SPDL1: variants seen among roughly 807,000 people sequenced by gnomAD.
SPDL1 encodes protein Spindly.
In SPDL1, 85 loss-of-function variants were observed where a neutral mutation model predicts 79.5. The ratio of observed to expected loss-of-function variants is 1.07; its 90% CI spans 0.90 to 1.28. SPDL1 has a LOEUF of 1.28. Ranked by LOEUF, SPDL1 falls within the 50% of genes most tolerant of loss-of-function variation. SPDL1 has a pLI of 0.00. For missense variants in SPDL1, 703 were observed against 697.8 expected (o/e 1.01, Z -0.08); for synonymous variants, 269 against 240.3 (o/e 1.12, Z -1.10).
At chr5:169,598,326 A>G in intron 8 of SPDL1, 150 bp from the exon 9 acceptor site, 1 of 550,050 alleles carries the variant, frequency 1.8e-6, no homozygotes, top group Non-Finnish European at 3.3e-6. Flanking sequence ...TTATTTACCT[A>G]CTTCAGAAGG....
At chr5:169,597,546 A>G (rs1246394133) in intron 8 of SPDL1, among the ~76,000 whole-genome samples, 1 of 152,000 alleles carries the variant, frequency 6.6e-6, no homozygotes, top group Non-Finnish European at 1.5e-5. Flanking sequence ...TTTCCTGTCT[A>G]TTTTTGAATG....
intron 3 of SPDL1, among the ~76,000 whole-genome samples, chr5:169,592,201 GTA>G (rs1171329229): frequency 9.0e-6 from 1 of 111,612 alleles, no homozygotes; most frequent in Non-Finnish European, 1.9e-5. Flanking sequence ...ATCAATGAAA[GTA>G]TTTTTTTTTC....
intron 10 of SPDL1, 138 bp downstream of exon 10, chr5:169,599,297 T>C: frequency 1.4e-6 from 1 of 699,698 alleles, no homozygotes. Flanking sequence ...ATAAAGCAAA[T>C]TTATTGTGTA....
Position 169,599,172 on chromosome 5 carries a change from C to T in SPDL1, c.1324+13C>T, listed in dbSNP as rs777994673. ...TATGAACCTGAAGGTATATATGTCT[C>T]ATATATTTTTGTCTTTTAAATTATG... On this transcript the variant is annotated intron_variant, in intron 10 of 11. Coordinates refer to ENST00000265295, the MANE Select transcript of SPDL1 (RefSeq NM_017785.5). 3 of 1,383,950 alleles carry T rather than the reference C, an allele frequency of 2.2e-6. No homozygotes were observed. Among genetic ancestry groups the T allele is most frequent in the African/African-American group, 1.5e-5 (1 of 68,220 alleles). 85.7% of individuals were successfully genotyped at this position (1,383,950 alleles called of 1,614,324 possible). A position where few individuals can be genotyped will look rare whatever the true frequency, so the allele number is the denominator to read the frequency against.
In SPDL1 at chr5:169,593,386, C is replaced by G; in HGVS notation, c.369C>G (p.Ala123=). ...AACTGAAAGTGGAATTAGATGAAGC[C>G]AGGCTTAGTGAAAAGCAGCTGAAGC... The part of the protein sequence containing the change: ...IEKLKVELDE[A]RLSEKQLKHQ... Residue 123 remains alanine, a synonymous_variant, in exon 4 of 12, where the codon GCC becomes GCG. Transcript: ENST00000265295. The G allele has an allele frequency of 6.2e-7, 1 of 1,607,508 alleles. No individual in the cohort carries two copies. Among genetic ancestry groups the G allele is most frequent in the South Asian group, 1.1e-5 (1 of 89,008 alleles).
intron 8 of SPDL1, among the ~76,000 whole-genome samples, chr5:169,597,524 A>G (rs1168224213): frequency 6.6e-6 from 1 of 151,858 alleles, no homozygotes; most frequent in African/African-American, 2.4e-5. Flanking sequence ...TATACTTTTT[A>G]TTTTTCAGTA....
In SPDL1 at chr5:169,600,008, T is replaced by C. The variant is rs74695233; in HGVS notation, c.1324+849T>C. On this transcript the variant is annotated intron_variant, in intron 10 of 11. Transcript: ENST00000265295. Reference sequence around the variant, plus strand: ...TGGAAAGTAGCCTAACCATACAGTCTCTGCATCTTATATACTACAGAGAGT... The same window carrying C: ...TGGAAAGTAGCCTAACCATACAGTCCCTGCATCTTATATACTACAGAGAGT... Among the ~76,000 whole-genome samples, 1,240 of 152,292 alleles carry C rather than the reference T, an allele frequency of 8.1e-3. 17 individuals carry two copies. The highest frequency in any genetic ancestry group is 0.028 in the African/African-American group (1,152 of 41,544).
chr5:169,584,681 G>A (rs1754890217), intron 1 of SPDL1, among the ~76,000 whole-genome samples: 1 of 152,184 alleles, frequency 6.6e-6, no homozygotes, highest in Non-Finnish European at 1.5e-5. Context: ...AGGAAAAATG[G>A]TTGCAGCACC....
intron 1 of SPDL1, among the ~76,000 whole-genome samples, chr5:169,584,413 A>G (rs1008356070): frequency 6.6e-6 from 1 of 152,160 alleles, no homozygotes; most frequent in Non-Finnish European, 1.5e-5. Context: ...TTTCTGCTGG[A>G]CAGCACTGCC....
intron 11 of SPDL1, among the ~76,000 whole-genome samples, chr5:169,602,935 G>T (rs1756009346): frequency 6.6e-6 from 1 of 152,152 alleles, no homozygotes; most frequent in Admixed American, 6.5e-5. Flanking sequence ...TGGATTTCCA[G>T]AATTGATAAG....
chr5:169,603,255 T>C (rs981450326), intron 11 of SPDL1, among the ~76,000 whole-genome samples: 1 of 152,198 alleles, frequency 6.6e-6, no homozygotes, highest in Non-Finnish European at 1.5e-5. Context: ...ATTGCATGCT[T>C]TACAAAACTA....
At chr5:169,597,232 T>TTG (rs56336716) in intron 8 of SPDL1, among the ~76,000 whole-genome samples, 6,655 of 149,224 alleles carry the variant, frequency 0.045, 164 homozygotes, top group Middle Eastern at 0.08. Context: ...GTGTAAGCAT[T>TTG]TGTGTGTGTG....
chr5:169,588,655 GTAGT>G, intron 2 of SPDL1, 80 bp downstream of exon 2: 1 of 1,301,796 alleles, frequency 7.7e-7, no homozygotes, highest in Non-Finnish European at 1.0e-6. Flanking sequence ...AATAGTAGTA[GTAGT>G]TTATTCTTTT....
chr5:169,589,980 G>A (rs147928681), intron 2 of SPDL1, among the ~76,000 whole-genome samples: 10 of 152,136 alleles, frequency 6.6e-5, no homozygotes, highest in African/African-American at 9.7e-5. Flanking sequence ...GGCATGAGCC[G>A]TTGTGCCCGG....
intron 8 of SPDL1, 43 bp from the exon 9 acceptor site, chr5:169,598,433 T>C (rs746033309): frequency 6.5e-6 from 8 of 1,240,230 alleles, no homozygotes; most frequent in Non-Finnish European, 9.5e-6. Context: ...ACTAACCTTA[T>C]TTGTTATTTA....
At chr5:169,586,231 G>A (rs1466187910) in intron 1 of SPDL1, 2 of 152,238 alleles carry the variant, frequency 1.3e-5, no homozygotes, top group Non-Finnish European at 2.9e-5. Flanking sequence ...AGACCTCCAG[G>A]AATTCAAGTT....
intron 8 of SPDL1, 111 bp from the exon 9 acceptor site, chr5:169,598,365 G>A (rs543958560): frequency 2.7e-5 from 18 of 675,364 alleles, no homozygotes; most frequent in Admixed American, 5.1e-5. Context: ...AGTTCTTAGC[G>A]TAGTACGCCA....
Position 169,583,781 on chromosome 5 carries a change from G to C in SPDL1, c.-132G>C, listed in dbSNP as rs1754826887. 6.6e-6 allele frequency: 1 copy of C among 152,266 alleles called. No homozygotes were observed. The highest frequency in any genetic ancestry group is 6.5e-5 in the Admixed American group (1 of 15,292). The allele number at this position is 152,266 out of a possible 1,614,324, so 9.4% of individuals were successfully genotyped here. On this transcript the variant is annotated 5_prime_UTR_variant, in exon 1 of 12. Transcript: ENST00000265295. ...AAATATCCCAGGCGCTTACTCGAGA[G>C]CTAGCTGAGCGAATGGGCCGGCGAC...
chr5:169,588,342 T>A (rs1043046094), intron 1 of SPDL1, 52 bp from the exon 2 acceptor site: 1 of 1,242,586 alleles, frequency 8.0e-7, no homozygotes, highest in African/African-American at 1.5e-5. Context: ...TTGATATTAT[T>A]GCATGGAGTT....
Sources: allele counts gnomAD v4.1 joint callset (sites outside exome capture counted in the v4.1 genomes callset), GRCh38; gene constraint gnomAD v4.1.1; transcripts MANE v1.5; gene names NCBI Gene and HGNC (gene_info 2026-07-23, HGNC 2026-07-21).